Variants in CCNL2 observed in about 807,000 individuals in gnomAD.
CCNL2 encodes cyclin-L2.
Under a neutral mutation model 59.1 loss-of-function variants are expected in CCNL2, and 28 were observed. That is an observed-to-expected ratio of 0.47 (90% confidence interval 0.35 to 0.65). CCNL2 has a LOEUF of 0.65. CCNL2 is among the 30% of genes least tolerant of loss of function. The pLI, the probability that CCNL2 is intolerant of heterozygous loss-of-function variation, is 0.00. For missense variants in CCNL2, 714 were observed against 717.4 expected, an observed-to-expected ratio of 1.00 and a Z score of 0.05; for synonymous variants, 342 against 288.6, an observed-to-expected ratio of 1.19 and a Z score of -1.88.
At position 1,387,351 on chromosome 1, in the gene CCNL2, T is replaced by C. The variant is rs765003761; in HGVS notation, c.1443A>G (p.Gly481=). ...SRSRERADNP[G]KYKKKSHYYR... ...AGTAATGACTTTTCTTCTTGTATTT[T>C]CCCGGATTATCCGCCCGCTCCCGTG... The change falls in exon 11 of 11, where the codon GGA becomes GGG. Residue 481 remains glycine, a synonymous_variant. Coordinates refer to ENST00000400809, the MANE Select transcript of CCNL2 (RefSeq NM_030937.6). 6.2e-7 allele frequency: 1 copy of C among 1,614,174 alleles called. No individual in the cohort carries two copies. Among genetic ancestry groups the C allele is most frequent in the South Asian group, 1.1e-5 (1 of 91,088 alleles).
intron 5 of CCNL2, chr1:1,391,662 A>G: frequency 1.4e-6 from 1 of 710,474 alleles, no homozygotes; most frequent in Non-Finnish European, 2.1e-6. Context: ...TGAACATTTC[A>G]TCACAGTACA....
rs200054095 is a variant in CCNL2, at chr1:1,398,587, G to A, written c.363+10C>T. The A allele has an allele frequency of 1.0e-4, 169 of 1,613,122 alleles. No individual in the cohort carries two copies. Among genetic ancestry groups the A allele is most frequent in the African/African-American group, 2.1e-4 (16 of 75,052 alleles). On this transcript the variant is annotated intron_variant, in intron 2 of 10. Transcript: ENST00000400809. ...CTTCGCTGGGAATGAAGTGCAGGAG[G>A]AAGCCTTACCTCCATGGAGTGCTTC...
At chr1:1,391,496 A>C in intron 5 of CCNL2, 4 of 1,295,480 alleles carry the variant, frequency 3.1e-6, no homozygotes, top group Non-Finnish European at 4.1e-6. Context: ...CATCGTGCGG[A>C]GGGAGACTCC....
At chr1:1,391,679 A>C in intron 5 of CCNL2, 1 of 637,422 alleles carries the variant, frequency 1.6e-6, no homozygotes, top group South Asian at 1.7e-5. Context: ...TACATTCTTT[A>C]ACTTTCATAT....
In CCNL2 at chr1:1,398,616, A is replaced by C; in HGVS notation, c.344T>G (p.Phe115Cys). The change falls in exon 2 of 11, where the codon TTC becomes TGC. Residue 115 changes from phenylalanine (F) to cysteine (C), a missense_variant. Around this residue, in one of 5 missense-constraint regions of CCNL2, gnomAD observed 270 missense variants for 254.9 expected, o/e 1.06. Coordinates refer to ENST00000400809, the MANE Select transcript of CCNL2 (RefSeq NM_030937.6). ...CCTTACCTCCATGGAGTGCTTCACGAAGGACTTGGTATAAAAGAACCGCTG... is the reference window on the plus strand; with the variant it reads ...CCTTACCTCCATGGAGTGCTTCACGCAGGACTTGGTATAAAAGAACCGCTG... Reference protein sequence around the residue: ...LFQRFFYTKSFVKHSMEHVSM... With the variant: ...LFQRFFYTKSCVKHSMEHVSM... The C allele has an allele frequency of 4.3e-6, 7 of 1,613,978 alleles. No homozygotes were observed. The highest frequency in any genetic ancestry group is 5.9e-6 in the Non-Finnish European group (7 of 1,179,960).
In CCNL2 at chr1:1,390,805, G is replaced by A. The variant is rs774712464; in HGVS notation, c.720C>T (p.Ile240=). Residue 240 remains isoleucine, a synonymous_variant, in exon 6 of 11, where the codon ATC becomes ATT. Transcript: ENST00000400809. ...DVFVRFQPES[I]ACACIYLAAR... ...CAGCAAGATAAATGCAGGCACAGGC[G>A]ATGCTCTCTGGCTGGAACCGCACGA... 1.1e-5 allele frequency: 18 copies of A among 1,614,046 alleles called. No homozygotes were observed. In the African/African-American group the frequency reaches 1.3e-4, roughly 12 times the overall value.
At chr1:1,398,153 TA>T (rs1645150063) in intron 3 of CCNL2, 79 bp downstream of exon 3, 3 of 1,353,404 alleles carry the variant, frequency 2.2e-6, no homozygotes, top group Non-Finnish European at 3.1e-6. Context: ...TGTATTGTGT[TA>T]TACAAGCCTT....
intron 5 of CCNL2, chr1:1,392,489 A>G: frequency 1.6e-6 from 2 of 1,247,614 alleles, no homozygotes; most frequent in Non-Finnish European, 2.0e-6. Flanking sequence ...TTTCCATAGC[A>G]TTTTTTTTTA....
intron 5 of CCNL2, chr1:1,391,252 G>A (rs778460309): frequency 2.7e-6 from 3 of 1,101,308 alleles, no homozygotes; most frequent in Non-Finnish European, 3.3e-6. Flanking sequence ...TTTGATTAAA[G>A]AAATCTAAAT....
intron 3 of CCNL2, 25 bp downstream of exon 3, chr1:1,398,208 G>C (rs371434224): frequency 6.0e-5 from 97 of 1,609,022 alleles, no homozygotes; most frequent in Non-Finnish European, 7.9e-5. Context: ...ATCTATGATA[G>C]ACTAGACAGC....
At chr1:1,397,047 A>C (rs1055002627) in intron 3 of CCNL2, among the ~76,000 whole-genome samples, 1 of 151,848 alleles carries the variant, frequency 6.6e-6, no homozygotes, top group Non-Finnish European at 1.5e-5. Flanking sequence ...GCACCTGGCC[A>C]ATTTTTGTGT....
Position 1,387,966 on chromosome 1 carries a change from C to T in CCNL2, c.1106G>A (p.Ser369Asn). 6.2e-7 allele frequency: 1 copy of T among 1,614,042 alleles called. No homozygotes were observed. The highest frequency in any genetic ancestry group is 8.5e-7 in the Non-Finnish European group (1 of 1,180,002). The change falls in exon 9 of 11, where the codon AGC (serine) becomes AAC (asparagine). Residue 369 changes from serine to asparagine, a missense_variant. Around this residue, in one of 5 missense-constraint regions of CCNL2, gnomAD observed 403 missense variants for 377.7 expected, o/e 1.07. Transcript: ENST00000400809. ...CCTGGGGTCCTACCCGTTCACGGGGCTGTCCGCCTTGGCTTTCTTGGCGCC... is the reference window on the plus strand; with the variant it reads ...CCTGGGGTCCTACCCGTTCACGGGGTTGTCCGCCTTGGCTTTCTTGGCGCC... Reference protein sequence around the residue: ...LEGAKKAKADSPVNGLPKGRE... With the variant: ...LEGAKKAKADNPVNGLPKGRE...
chr1:1,396,586 T>G (rs1032808352), intron 3 of CCNL2, among the ~76,000 whole-genome samples: 8 of 142,914 alleles, frequency 5.6e-5, no homozygotes, highest in African/African-American at 1.6e-4. Context: ...TTTTTTTTTT[T>G]TTTTTTTTTT....
At chr1:1,393,542 C>A (rs1358315009) in intron 4 of CCNL2, 82 bp from the exon 5 acceptor site, 1 of 1,201,194 alleles carries the variant, frequency 8.3e-7, no homozygotes, top group Non-Finnish European at 1.2e-6. Context: ...ATGCAGCAAA[C>A]AAGAGCCTCA....
intron 5 of CCNL2, chr1:1,392,230 C>T: frequency 1.4e-6 from 1 of 697,558 alleles, no homozygotes; most frequent in Non-Finnish European, 1.8e-6. Context: ...TGTCAGTATT[C>T]AAGTAGTGAT....
chr1:1,395,715 C>T (rs2100336888), intron 3 of CCNL2, among the ~76,000 whole-genome samples: 1 of 152,288 alleles, frequency 6.6e-6, no homozygotes, highest in East Asian at 1.9e-4. Flanking sequence ...CCCAACGATC[C>T]CTCCCTGCTT....
intron 3 of CCNL2, 104 bp from the exon 4 acceptor site, chr1:1,395,618 A>C: frequency 6.7e-7 from 1 of 1,488,038 alleles, no homozygotes; most frequent in Non-Finnish European, 9.2e-7. Context: ...AAACCCCACA[A>C]CACAACATCG....
chr1:1,390,393 C>G, intron 7 of CCNL2, 22 bp from the exon 8 acceptor site: 1 of 1,610,264 alleles, frequency 6.2e-7, no homozygotes, highest in Non-Finnish European at 8.5e-7. Context: ...AGAAGGTGTC[C>G]GTTCAGAACC....
chr1:1,398,905 C>A, intron 1 of CCNL2, 114 bp downstream of exon 1: 1 of 1,428,104 alleles, frequency 7.0e-7, no homozygotes, highest in Non-Finnish European at 9.1e-7. Flanking sequence ...GGGGTCGGGG[C>A]AGGGGCTGGG....
Sources: gnomAD v4.1 joint callset for allele counts (sites outside exome capture counted in the v4.1 genomes callset) on GRCh38, gnomAD v4.1.1 for gene constraint, gnomAD v4.1.1 regional missense constraint, MANE v1.5 for transcripts, NCBI Gene and HGNC (gene_info 2026-07-23, HGNC 2026-07-21) for gene names.